Variants in DENND1A observed in about 807,000 individuals in gnomAD.
The protein encoded by DENND1A is DENN domain containing 1A.
In DENND1A, 51 loss-of-function variants were observed where a neutral mutation model predicts 113.7. That is an observed-to-expected ratio of 0.45 (90% CI 0.36 to 0.57). The LOEUF (loss-of-function observed/expected upper bound fraction) is 0.57. Among genes scored for constraint, DENND1A ranks in the 20% least tolerant of loss-of-function variants. The pLI is 0.00. For missense variants in DENND1A, 1,258 were observed against 1,395.9 expected (o/e 0.90, Z 1.57); for synonymous variants, 565 against 570.8 (o/e 0.99, Z 0.14).
intron 12 of DENND1A, among the ~76,000 whole-genome samples, chr9:123,567,474 G>A (rs1008878651): frequency 6.6e-6 from 1 of 151,762 alleles, no homozygotes; most frequent in African/African-American, 2.4e-5. Context: ...AGAACAAAAT[G>A]GACTGCAAAC....
intron 5 of DENND1A, among the ~76,000 whole-genome samples, chr9:123,686,524 G>A (rs1181615923): frequency 6.6e-6 from 1 of 152,168 alleles, no homozygotes. Flanking sequence ...CAACAATTCA[G>A]CGTGTTTTCT....
At chr9:123,643,772 G>A (rs548344952) in intron 9 of DENND1A, among the ~76,000 whole-genome samples, 1 of 152,352 alleles carries the variant, frequency 6.6e-6, no homozygotes, top group African/African-American at 2.4e-5. Flanking sequence ...GTGGCTAACA[G>A]ACTGGGTGTG....
At chr9:123,813,202 A>G (rs1004871019) in intron 2 of DENND1A, among the ~76,000 whole-genome samples, 2 of 152,120 alleles carry the variant, frequency 1.3e-5, no homozygotes, top group African/African-American at 4.8e-5. Context: ...AACTCAAGCA[A>G]TCTTCCTGTC....
chr9:123,895,861 T>A (rs1181786025), intron 1 of DENND1A, among the ~76,000 whole-genome samples: 1 of 152,148 alleles, frequency 6.6e-6, no homozygotes, highest in Non-Finnish European at 1.5e-5. Flanking sequence ...TAAAGTGGGA[T>A]GACCAAGGTG....
intron 2 of DENND1A, among the ~76,000 whole-genome samples, chr9:123,822,772 T>C (rs1302206952): frequency 6.6e-6 from 1 of 152,380 alleles, no homozygotes; most frequent in East Asian, 1.9e-4. Context: ...TTTTCTCTGA[T>C]AATTGCTATT....
chr9:123,873,157 C>T (rs1846915965), intron 2 of DENND1A, among the ~76,000 whole-genome samples: 1 of 152,108 alleles, frequency 6.6e-6, no homozygotes, highest in African/African-American at 2.4e-5. Context: ...ACAAATAAAG[C>T]TGTAGAAACC....
chr9:123,814,754 ACAAT>A (rs1837185212), intron 2 of DENND1A, among the ~76,000 whole-genome samples: 1 of 152,216 alleles, frequency 6.6e-6, no homozygotes, highest in African/African-American at 2.4e-5. Context: ...CACAATCCAA[ACAAT>A]CAAATCAGAG....
At chr9:123,542,126 G>T (rs1314486242) in intron 13 of DENND1A, among the ~76,000 whole-genome samples, 2 of 151,552 alleles carry the variant, frequency 1.3e-5, no homozygotes, top group South Asian at 4.2e-4. Flanking sequence ...AGTTTGGGGG[G>T]TAGTCAATCA....
chr9:123,698,466 T>C (rs2065664465), intron 5 of DENND1A, among the ~76,000 whole-genome samples: 1 of 152,206 alleles, frequency 6.6e-6, no homozygotes, highest in Admixed American at 6.5e-5. Context: ...CAATACTACC[T>C]CTTTAGGGCA....
At chr9:123,887,676 C>CA (rs1227245731) in intron 1 of DENND1A, among the ~76,000 whole-genome samples, 1 of 151,456 alleles carries the variant, frequency 6.6e-6, no homozygotes, top group East Asian at 2.0e-4. Context: ...AGTCAGAGTC[C>CA]AAGCAGGGCA....
chr9:123,386,366 T>C (rs563990564), intron 22 of DENND1A, among the ~76,000 whole-genome samples: 2 of 143,770 alleles, frequency 1.4e-5, no homozygotes, highest in Admixed American at 7.6e-5. Flanking sequence ...CTTAGGCCAC[T>C]ACTTTCTTTT....
Position 123,422,297 on chromosome 9 carries a change from G to C in DENND1A, c.1489-10468C>G, listed in dbSNP as rs1277994224. 6.6e-6 allele frequency among the ~76,000 whole-genome samples: 1 copy of C among 152,238 alleles called. No homozygotes were observed. Among genetic ancestry groups the C allele is most frequent in the Non-Finnish European group, 1.5e-5 (1 of 68,040 alleles). ...TTGAGTTACTTTGTCTGCAAGACTG[G>C]CAACATTCCTGGCATGCTTCTGATC... On this transcript the variant is annotated intron_variant, in intron 19 of 23. Transcript: ENST00000394215. The surrounding 1 kb of genome is among the most constrained non-coding windows in gnomAD (Gnocchi z 4.8).
intron 2 of DENND1A, among the ~76,000 whole-genome samples, chr9:123,795,712 A>G (rs1264234290): frequency 1.3e-5 from 2 of 152,228 alleles, no homozygotes; most frequent in Admixed American, 6.5e-5. Context: ...TAATATTTAT[A>G]TATCTATTTC....
intron 11 of DENND1A, among the ~76,000 whole-genome samples, chr9:123,588,633 A>AGGG (rs1290448078): frequency 8.7e-4 from 75 of 86,430 alleles, no homozygotes; most frequent in East Asian, 2.4e-3. Context: ...AAAAAAAAAA[A>AGGG]GGGGGGGGGG....
At chr9:123,528,958 C>A (rs1272484019) in intron 13 of DENND1A, among the ~76,000 whole-genome samples, 1 of 152,248 alleles carries the variant, frequency 6.6e-6, no homozygotes, top group African/African-American at 2.4e-5. Flanking sequence ...ATCTCCTCCT[C>A]TGCCCTTGAC....
intron 2 of DENND1A, among the ~76,000 whole-genome samples, chr9:123,849,591 G>T (rs1843054776): frequency 6.6e-6 from 1 of 152,220 alleles, no homozygotes; most frequent in South Asian, 2.1e-4. Flanking sequence ...TGCCAGGCCT[G>T]CTAACACAAC....
chr9:123,510,404 T>G (rs1164998463), intron 13 of DENND1A, among the ~76,000 whole-genome samples: 4 of 152,252 alleles, frequency 2.6e-5, no homozygotes, highest in Non-Finnish European at 5.9e-5. Context: ...CCCAACTGTG[T>G]CCCATCACAA....
chr9:123,600,676 T>A (rs1454701581), intron 11 of DENND1A, among the ~76,000 whole-genome samples: 1 of 152,042 alleles, frequency 6.6e-6, no homozygotes, highest in Non-Finnish European at 1.5e-5. Flanking sequence ...AACAAAGGAG[T>A]TTGCTTAGGC....
chr9:123,583,292 CAAGAG>C, intron 11 of DENND1A, 22 bp from the exon 12 acceptor site: 1 of 1,590,100 alleles, frequency 6.3e-7, no homozygotes, highest in Non-Finnish European at 8.6e-7. Flanking sequence ...AAAAAATCCA[CAAGAG>C]AAGGTCATTG....
Sources: gnomAD v4.1 joint callset for allele counts (sites outside exome capture counted in the v4.1 genomes callset) on GRCh38, gnomAD v4.1.1 for gene constraint, Gnocchi (gnomAD v3.1) non-coding constraint, MANE v1.5 for transcripts, NCBI Gene and HGNC (gene_info 2026-07-23, HGNC 2026-07-21) for gene names.